OSBP2: variants seen among roughly 807,000 people sequenced by gnomAD.
OSBP2 encodes oxysterol-binding protein 2.
OSBP2 carries 66 observed loss-of-function variants against 96.0 expected under a neutral mutation model. The observed-to-expected ratio is 0.69, with a 90% confidence interval of 0.56 to 0.84. OSBP2 has a LOEUF of 0.84. Among genes scored for constraint, OSBP2 ranks in the 40% least tolerant of loss-of-function variants. The pLI is 0.00. For missense variants in OSBP2, 1,038 were observed against 1,222.7 expected (o/e 0.85, Z 2.25); for synonymous variants, 525 against 520.9 (o/e 1.01, Z -0.11).
intron 5 of OSBP2, 129 bp downstream of exon 5, chr22:30,888,469 T>C (rs1009800320): frequency 1.5e-6 from 1 of 688,960 alleles, no homozygotes; most frequent in African/African-American, 1.8e-5. Flanking sequence ...CCAGGCCCAG[T>C]GGCTCCCAGC....
chr22:30,731,375 T>C (rs1438763311), intron 1 of OSBP2, among the ~76,000 whole-genome samples: 1 of 151,998 alleles, frequency 6.6e-6, no homozygotes, highest in Non-Finnish European at 1.5e-5. Flanking sequence ...CACATGGACT[T>C]TTCCAGAACT....
chr22:30,889,056 C>A, intron 5 of OSBP2, 121 bp from the exon 6 acceptor site: 2 of 798,508 alleles, frequency 2.5e-6, no homozygotes, highest in Non-Finnish European at 2.0e-6. Flanking sequence ...ACACAGAACA[C>A]ACGGCAGTGA....
chr22:30,754,327 A>G (rs1209355795), intron 2 of OSBP2, among the ~76,000 whole-genome samples: 1 of 152,124 alleles, frequency 6.6e-6, no homozygotes, highest in Non-Finnish European at 1.5e-5. Flanking sequence ...GAAAGGCAAA[A>G]TGGTTCTTAT....
At chr22:30,788,479 G>A (rs1310051626) in intron 2 of OSBP2, among the ~76,000 whole-genome samples, 1 of 152,152 alleles carries the variant, frequency 6.6e-6, no homozygotes, top group Non-Finnish European at 1.5e-5. Flanking sequence ...GCAGCTGACA[G>A]ACCAGCCAAG....
intron 3 of OSBP2, among the ~76,000 whole-genome samples, chr22:30,884,646 T>C (rs1268416160): frequency 2.0e-5 from 3 of 152,090 alleles, no homozygotes; most frequent in African/African-American, 7.2e-5. Context: ...TGGGGGCCCC[T>C]TTCCACCGAG....
chr22:30,761,240 A>G (rs1303904737), intron 2 of OSBP2, among the ~76,000 whole-genome samples: 1 of 152,224 alleles, frequency 6.6e-6, no homozygotes, highest in East Asian at 1.9e-4. Context: ...ATATTTTTAG[A>G]GTGAGTTTAA....
At chr22:30,812,448 G>C (rs1445343309) in intron 2 of OSBP2, among the ~76,000 whole-genome samples, 1 of 152,210 alleles carries the variant, frequency 6.6e-6, no homozygotes, top group Non-Finnish European at 1.5e-5. Context: ...TTATAGGCTT[G>C]AGCCATCACG....
intron 1 of OSBP2, among the ~76,000 whole-genome samples, chr22:30,731,892 C>T (rs2089785985): frequency 6.6e-6 from 1 of 152,208 alleles, no homozygotes; most frequent in Non-Finnish European, 1.5e-5. Flanking sequence ...GCACTACCCA[C>T]CCTAGACCCT....
chr22:30,759,293 A>T (rs1194554071), intron 2 of OSBP2, among the ~76,000 whole-genome samples: 1 of 152,220 alleles, frequency 6.6e-6, no homozygotes, highest in African/African-American at 2.4e-5. Flanking sequence ...GCTTGCAGTG[A>T]GCCGAGATTG....
chr22:30,836,037 T>C (rs948073980), intron 2 of OSBP2, among the ~76,000 whole-genome samples: 3 of 152,220 alleles, frequency 2.0e-5, no homozygotes, highest in Non-Finnish European at 4.4e-5. Context: ...ATTTTTCTGA[T>C]GTGGTCAACC....
At chr22:30,780,997 C>T (rs752161853) in intron 2 of OSBP2, among the ~76,000 whole-genome samples, 12 of 151,052 alleles carry the variant, frequency 7.9e-5, no homozygotes, top group Middle Eastern at 3.2e-3. Flanking sequence ...TTTTTTGAGA[C>T]GGAGTTTCGC....
At chr22:30,880,044 T>C (rs1017548721) in intron 3 of OSBP2, among the ~76,000 whole-genome samples, 4 of 151,302 alleles carry the variant, frequency 2.6e-5, no homozygotes, top group African/African-American at 9.7e-5. Context: ...AGCAAGACTC[T>C]GTCTCAAAAA....
intron 2 of OSBP2, among the ~76,000 whole-genome samples, chr22:30,793,283 A>C (rs8140814): frequency 6.6e-6 from 1 of 152,064 alleles, no homozygotes; most frequent in East Asian, 1.9e-4. Context: ...CCAGCTACTC[A>C]GGAGGCTGAG....
In OSBP2 at chr22:30,905,853, A is replaced by G; in HGVS notation, c.2392A>G (p.Met798Val). The G allele has an allele frequency of 6.2e-7, 1 of 1,613,304 alleles. No individual in the cohort carries two copies. Residue 798 changes from methionine (M) to valine (V), a missense_variant, in exon 13 of 14, where the codon ATG becomes GTG. By Grantham distance (21) the Met-to-Val change is conservative. Around this residue, in one of 3 missense-constraint regions of OSBP2, gnomAD observed 737 missense variants for 913.3 expected, o/e 0.81. Coordinates refer to ENST00000332585, the MANE Select transcript of OSBP2 (RefSeq NM_030758.4). ...CCGCCACAGGGAGAACGCGGAGAAC[A>G]TGTACTACTTCTCAGAGCTGGCCCT... The part of the protein sequence containing the change: ...KYPLPENAEN[M>V]YYFSELALTL...
intron 3 of OSBP2, among the ~76,000 whole-genome samples, chr22:30,875,076 G>A (rs1440598608): frequency 1.3e-5 from 2 of 152,170 alleles, no homozygotes; most frequent in Non-Finnish European, 2.9e-5. Context: ...AGCACTCCAA[G>A]TGGCCCACGG....
intron 1 of OSBP2, among the ~76,000 whole-genome samples, chr22:30,696,446 G>T (rs569990983): frequency 2.0e-5 from 3 of 152,230 alleles, no homozygotes; most frequent in African/African-American, 7.2e-5. Flanking sequence ...TGTTACAGTG[G>T]GCCTAGGGGA....
At chr22:30,729,984 A>T (rs2089720959) in intron 1 of OSBP2, among the ~76,000 whole-genome samples, 1 of 151,540 alleles carries the variant, frequency 6.6e-6, no homozygotes, top group Non-Finnish European at 1.5e-5. Context: ...TTTGAGATGG[A>T]GTCTCCCTCT....
chr22:30,768,269 C>T (rs906882970), intron 2 of OSBP2, among the ~76,000 whole-genome samples: 2 of 152,254 alleles, frequency 1.3e-5, no homozygotes, highest in Admixed American at 6.5e-5. Context: ...GGAGCCAGCC[C>T]AGAAGTGGCC....
intron 2 of OSBP2, among the ~76,000 whole-genome samples, chr22:30,785,918 C>CA (rs2090582667): frequency 6.6e-6 from 1 of 152,188 alleles, no homozygotes; most frequent in Admixed American, 6.5e-5. Flanking sequence ...GAGGCCTCCT[C>CA]AGCCATGCAG....
Sources: allele counts gnomAD v4.1 joint callset (sites outside exome capture counted in the v4.1 genomes callset), GRCh38; gene constraint gnomAD v4.1.1; regional missense constraint gnomAD v4.1.1; transcripts MANE v1.5; gene names NCBI Gene and HGNC (gene_info 2026-07-23, HGNC 2026-07-21).